Variants in ZNF717 observed in about 807,000 individuals in gnomAD.
ZNF717 encodes the protein zinc finger protein 717.
A neutral mutation model predicts 13.8 loss-of-function variants in ZNF717; 9 were observed. The ratio of observed to expected loss-of-function variants is 0.65; its 90% CI spans 0.39 to 1.14. ZNF717 has a LOEUF of 1.14. ZNF717 is among the 50% of genes most tolerant of loss of function. The pLI is 0.01. For synonymous variants in ZNF717, 327 were observed against 364.1 expected (o/e 0.90, Z 1.16); for missense variants, 1,040 against 1,080.7 (o/e 0.96, Z 0.53).
In ZNF717 at chr3:75,783,322, TC is replaced by T. The variant is rs1944945384; in HGVS notation, c.40del (p.Glu14LysfsTer14). ...VFSGCFQELQ[E>X]KNKSLELVSF... is the part of the protein sequence containing the mutation. ...ACAACTCACCAGAGATTTATTCTTT[TC>T]TTGTAGCTCTTGGAAACAGCCAGAG... On this transcript the variant is annotated frameshift_variant, in exon 2 of 5. Coordinates refer to ENST00000652011, the MANE Select transcript of ZNF717 (RefSeq NM_001290208.3). LOFTEE classifies it high-confidence loss of function. 1.3e-6 allele frequency: 2 copies of T among 1,551,224 alleles called. No homozygotes were observed.
downstream of ZNF717, among the ~76,000 whole-genome samples, chr3:75,733,778 C>CAA (rs56196464): frequency 1.1e-3 from 29 of 26,642 alleles, 5 homozygotes; most frequent in South Asian, 6.5e-3. Context: ...GACTCTATCT[C>CAA]AAAAAAAAAA....
chr3:75,761,547 G>A (rs1184458858), intron 2 of ZNF717, among the ~76,000 whole-genome samples: 1 of 152,230 alleles, frequency 6.6e-6, no homozygotes, highest in Non-Finnish European at 1.5e-5. Flanking sequence ...GCAAGAGAAA[G>A]AAATAAAAAG....
chr3:75,753,269 C>T (rs1575851536), intron 2 of ZNF717, among the ~76,000 whole-genome samples: 1 of 151,506 alleles, frequency 6.6e-6, no homozygotes, highest in African/African-American at 2.4e-5. Flanking sequence ...CTGTCCCTCA[C>T]ATAACATTCC....
intron 6 of ZNF717, among the ~76,000 whole-genome samples, chr3:75,696,646 A>G (rs1369429769): frequency 6.6e-6 from 1 of 152,298 alleles, no homozygotes; most frequent in African/African-American, 2.4e-5. Context: ...TAATTCCAGC[A>G]CTTTGGGAAG....
chr3:75,757,049 GT>G (rs777125926), intron 2 of ZNF717, among the ~76,000 whole-genome samples: 7 of 152,280 alleles, frequency 4.6e-5, no homozygotes, highest in Non-Finnish European at 1.0e-4. Flanking sequence ...AGAAGAGCTT[GT>G]TTCATGAGGT....
At chr3:75,735,257 T>G (rs1372637276), downstream of ZNF717, among the ~76,000 whole-genome samples, 1 of 152,232 alleles carries the variant, frequency 6.6e-6, no homozygotes, top group Non-Finnish European at 1.5e-5. Flanking sequence ...TCGAAGTAAC[T>G]GAACTGGTAT....
chr3:75,731,524 G>C (rs1938548984), downstream of ZNF717, among the ~76,000 whole-genome samples: 1 of 151,624 alleles, frequency 6.6e-6, no homozygotes, highest in African/African-American at 2.4e-5. Flanking sequence ...TTGCACCACT[G>C]CACTCCAGCC....
At chr3:75,704,584 C>T (rs1937763154) in intron 6 of ZNF717, among the ~76,000 whole-genome samples, 1 of 152,310 alleles carries the variant, frequency 6.6e-6, no homozygotes, top group African/African-American at 2.4e-5. Context: ...GCCAAGCTCA[C>T]AGGGTTAGAG....
chr3:75,773,429 A>T (rs111817432), intron 2 of ZNF717, among the ~76,000 whole-genome samples: 1 of 135,128 alleles, frequency 7.4e-6, no homozygotes, highest in Non-Finnish European at 1.7e-5. Flanking sequence ...GAGGGCTCCC[A>T]AATTAGTCTC....
At chr3:75,759,721 A>G (rs1942809870) in intron 2 of ZNF717, among the ~76,000 whole-genome samples, 1 of 151,876 alleles carries the variant, frequency 6.6e-6, no homozygotes, top group Non-Finnish European at 1.5e-5. Context: ...GATGCATACT[A>G]TCACACCTGG....
At chr3:75,724,460 C>T (rs1194842042) in intron 4 of ZNF717, among the ~76,000 whole-genome samples, 1 of 151,000 alleles carries the variant, frequency 6.6e-6, no homozygotes, top group African/African-American at 2.5e-5. Context: ...TCCAACTGGT[C>T]GCAAACTCTT....
chr3:75,719,963 T>A (rs1308739322), intron 4 of ZNF717, among the ~76,000 whole-genome samples: 1 of 86,634 alleles, frequency 1.2e-5, no homozygotes, highest in African/African-American at 5.7e-5. Context: ...CATCTCAAAA[T>A]AATAATAAAT....
chr3:75,750,475 T>A (rs3009050), intron 2 of ZNF717, among the ~76,000 whole-genome samples: 125,940 of 150,228 alleles, frequency 0.84, 52,709 homozygotes, highest in East Asian at 0.89. Flanking sequence ...ACAATTCCAG[T>A]ACACTCCTGC....
chr3:75,751,080 C>A (rs1575832169), intron 2 of ZNF717, among the ~76,000 whole-genome samples: 1 of 151,884 alleles, frequency 6.6e-6, no homozygotes, highest in South Asian at 2.1e-4. Context: ...GTATTTGTTC[C>A]TCACATAGGA....
exon 6 of ZNF717, chr3:75,730,486 A>C: frequency 1.8e-6 from 1 of 542,980 alleles, no homozygotes; most frequent in Non-Finnish European, 3.2e-6. Context: ...TTGGAAAAAT[A>C]AAAGAACAAT....
chr3:75,723,234 T>G (rs1938202991), intron 4 of ZNF717, among the ~76,000 whole-genome samples: 1 of 145,098 alleles, frequency 6.9e-6, no homozygotes, highest in Non-Finnish European at 1.5e-5. Context: ...TTATTTTTCT[T>G]TAAGACAATC....
chr3:75,779,854 T>G (rs1944668633), intron 2 of ZNF717, among the ~76,000 whole-genome samples: 1 of 150,188 alleles, frequency 6.7e-6, no homozygotes, highest in African/African-American at 2.5e-5. Flanking sequence ...GGGAGTGATG[T>G]GCTAAAACCG....
chr3:75,778,195 A>G (rs1461282880), intron 2 of ZNF717, among the ~76,000 whole-genome samples: 1 of 151,990 alleles, frequency 6.6e-6, no homozygotes, highest in Non-Finnish European at 1.5e-5. Context: ...AACCCAAAAC[A>G]ATGGGAGTGA....
At chr3:75,764,602 G>A (rs199802551) in intron 2 of ZNF717, among the ~76,000 whole-genome samples, 2 of 152,130 alleles carry the variant, frequency 1.3e-5, no homozygotes, top group African/African-American at 4.8e-5. Context: ...ATTAAAAAGT[G>A]GACAAAGAAC....
Sources: gnomAD v4.1 joint callset for allele counts (sites outside exome capture counted in the v4.1 genomes callset) on GRCh38, gnomAD v4.1.1 for gene constraint, MANE v1.5 for transcripts, NCBI Gene and HGNC (gene_info 2026-07-23, HGNC 2026-07-21) for gene names.